The following CDYL variants were observed in gnomAD, a reference collection of about 807,000 sequenced individuals.
CDYL encodes the protein chromodomain Y-like protein.
CDYL carries 8 observed loss-of-function variants against 47.3 expected under a neutral mutation model. The ratio of observed to expected loss-of-function variants is 0.17; its 90% CI spans 0.10 to 0.31. The LOEUF is 0.31. Among genes scored for constraint, CDYL ranks in the 10% least tolerant of loss-of-function variants. The pLI is 1.00. For synonymous variants in CDYL, 266 were observed against 265.0 expected (o/e 1.00, Z -0.04); for missense variants, 471 against 701.4 (o/e 0.67, Z 3.71).
intron 2 of CDYL, among the ~76,000 whole-genome samples, chr6:4,723,543 G>A (rs138460665): frequency 2.6e-5 from 4 of 152,182 alleles, no homozygotes; most frequent in Admixed American, 2.0e-4. Context: ...CACCTGAAAA[G>A]GCAGAGGAGG....
At chr6:4,768,173 A>G (rs929130616) in intron 3 of CDYL, among the ~76,000 whole-genome samples, 4 of 152,198 alleles carry the variant, frequency 2.6e-5, no homozygotes, top group East Asian at 1.9e-4. Flanking sequence ...ACCATTTCCA[A>G]TGCCCTCTTC....
At chr6:4,774,905 G>T (rs1347145736), upstream of CDYL, 1 of 152,266 alleles carries the variant, frequency 6.6e-6, no homozygotes, top group African/African-American at 2.4e-5. Context: ...AAACGGTGGG[G>T]ACCGCAGGTA....
At chr6:4,750,838 CTT>C (rs2127419873) in intron 3 of CDYL, among the ~76,000 whole-genome samples, 1 of 149,776 alleles carries the variant, frequency 6.7e-6, no homozygotes, top group South Asian at 2.1e-4. Context: ...GCAAAATACT[CTT>C]TTCTTTTTTC....
intron 4 of CDYL, among the ~76,000 whole-genome samples, chr6:4,940,736 G>T (rs1227280030): frequency 2.6e-5 from 4 of 152,368 alleles, no homozygotes; most frequent in Admixed American, 2.6e-4. Flanking sequence ...CCAAAAGTGA[G>T]GTTTCTTCTT....
intron 6 of CDYL, among the ~76,000 whole-genome samples, chr6:4,953,254 C>T (rs1310613310): frequency 6.6e-6 from 1 of 151,702 alleles, no homozygotes; most frequent in Admixed American, 6.6e-5. Flanking sequence ...CTTGGTGGTG[C>T]ACGCCTGTAA....
At chr6:4,915,366 G>A (rs908973951) in intron 2 of CDYL, among the ~76,000 whole-genome samples, 1 of 152,156 alleles carries the variant, frequency 6.6e-6, no homozygotes, top group Admixed American at 6.5e-5. Flanking sequence ...AAACTTATGT[G>A]TTTTGACATT....
chr6:4,869,632 G>A (rs965155036), intron 1 of CDYL, among the ~76,000 whole-genome samples: 2 of 152,092 alleles, frequency 1.3e-5, no homozygotes, highest in African/African-American at 4.8e-5. Flanking sequence ...ATTGATTGCT[G>A]TAGGGATTAT....
At chr6:4,719,309 C>T (rs549620946) in intron 2 of CDYL, among the ~76,000 whole-genome samples, 34 of 152,324 alleles carry the variant, frequency 2.2e-4, no homozygotes, top group African/African-American at 7.0e-4. Context: ...TCTCTCCTTA[C>T]TATCCATTTA....
rs931644659 is a variant in CDYL, at chr6:4,718,031, T to C, written c.103+2150T>C. The stretch of plus-strand genomic sequence containing the variant: ...CGGCTGATTTTATATTTTGTAGAGA[T>C]GGTGTCTCACTATACTGCCCAGGCT... On this transcript the variant is annotated intron_variant, in intron 2 of 8. Coordinates refer to the CDYL transcript ENST00000328908. 3.3e-5 allele frequency among the ~76,000 whole-genome samples: 5 copies of C among 152,108 alleles called. No homozygotes were observed. The East Asian group carries it at 7.7e-4, about 24-fold the overall frequency.
chr6:4,825,410 TTTTG>T, intron 1 of CDYL, among the ~76,000 whole-genome samples: 1 of 152,306 alleles, frequency 6.6e-6, no homozygotes, highest in East Asian at 1.9e-4. Flanking sequence ...GCCGTTTGTT[TTTTG>T]TCTAATTACT....
At chr6:4,899,826 C>T (rs917378922) in intron 2 of CDYL, among the ~76,000 whole-genome samples, 1 of 152,186 alleles carries the variant, frequency 6.6e-6, no homozygotes, top group Non-Finnish European at 1.5e-5. Flanking sequence ...AGCCATATCC[C>T]GAGGGGAAGA....
intron 1 of CDYL, among the ~76,000 whole-genome samples, chr6:4,868,090 G>C (rs552237012): frequency 3.5e-4 from 53 of 151,816 alleles, no homozygotes; most frequent in Middle Eastern, 3.4e-3. Flanking sequence ...GTATTTTTCT[G>C]TTGCTGCTGC....
At chr6:4,743,946 C>T (rs996595400) in intron 3 of CDYL, among the ~76,000 whole-genome samples, 1 of 152,194 alleles carries the variant, frequency 6.6e-6, no homozygotes, top group African/African-American at 2.4e-5. Flanking sequence ...GTGATAACAG[C>T]TCCTTTTCCT....
chr6:4,833,644 T>G (rs9504265), intron 1 of CDYL, among the ~76,000 whole-genome samples: 1 of 148,298 alleles, frequency 6.7e-6, no homozygotes, highest in Non-Finnish European at 1.5e-5. Context: ...CTTTCTGTCT[T>G]GTTGATCTGT....
At chr6:4,906,769 C>T (rs888289746) in intron 2 of CDYL, among the ~76,000 whole-genome samples, 1 of 152,144 alleles carries the variant, frequency 6.6e-6, no homozygotes, top group African/African-American at 2.4e-5. Flanking sequence ...AAAATAGACT[C>T]AGTCTGAGTT....
chr6:4,757,550 G>A (rs1758093579), intron 3 of CDYL, among the ~76,000 whole-genome samples: 1 of 152,160 alleles, frequency 6.6e-6, no homozygotes, highest in Non-Finnish European at 1.5e-5. Context: ...ACTTACAGAA[G>A]TTAAATTATT....
At chr6:4,936,279 C>A (rs1443633545) in intron 3 of CDYL, among the ~76,000 whole-genome samples, 2 of 152,212 alleles carry the variant, frequency 1.3e-5, no homozygotes, top group African/African-American at 4.8e-5. Context: ...ACAGGGATTT[C>A]CACACATGCT....
At chr6:4,831,807 A>C (rs1009949987) in intron 1 of CDYL, among the ~76,000 whole-genome samples, 1 of 152,154 alleles carries the variant, frequency 6.6e-6, no homozygotes, top group Non-Finnish European at 1.5e-5. Context: ...TGTAAGGTGG[A>C]TTCCTAAGTG....
intron 1 of CDYL, among the ~76,000 whole-genome samples, chr6:4,814,950 G>T (rs922549196): frequency 2.0e-5 from 3 of 152,168 alleles, no homozygotes; most frequent in Non-Finnish European, 2.9e-5. Context: ...AGATTAAGGG[G>T]CAGTGTTGTA....
Sources: gnomAD v4.1 joint callset for allele counts (sites outside exome capture counted in the v4.1 genomes callset) on GRCh38, gnomAD v4.1.1 for gene constraint, MANE v1.5 for transcripts, NCBI Gene and HGNC (gene_info 2026-07-23, HGNC 2026-07-21) for gene names.